Variants in RIMS2 observed in about 807,000 individuals in gnomAD.
RIMS2 encodes regulating synaptic membrane exocytosis 2.
A neutral mutation model predicts 174.4 loss-of-function variants in RIMS2; 59 were observed. The ratio of observed to expected loss-of-function variants is 0.34; its 90% CI spans 0.27 to 0.42. The LOEUF is 0.42. RIMS2 is among the 10% of genes least tolerant of loss of function. The pLI, the probability that RIMS2 is intolerant of heterozygous loss-of-function variation, is 1.00. For synonymous variants in RIMS2, 606 were observed against 572.5 expected, an observed-to-expected ratio of 1.06 and a Z score of -0.84; for missense variants, 1,620 against 1,666.3, an observed-to-expected ratio of 0.97 and a Z score of 0.48.
chr8:103,756,470 T>A (rs2098011382), intron 2 of RIMS2, among the ~76,000 whole-genome samples: 1 of 151,428 alleles, frequency 6.6e-6, no homozygotes, highest in African/African-American at 2.4e-5. Flanking sequence ...AGGTGTCACT[T>A]TGTCACCCAG....
At chr8:103,698,899 G>A (rs2097137561) in intron 2 of RIMS2, among the ~76,000 whole-genome samples, 1 of 152,100 alleles carries the variant, frequency 6.6e-6, no homozygotes, top group African/African-American at 2.4e-5. Flanking sequence ...AAATGTGTTG[G>A]GAAGTATTTC....
chr8:103,945,863 C>T (rs186260043), intron 14 of RIMS2, among the ~76,000 whole-genome samples: 27 of 152,114 alleles, frequency 1.8e-4, no homozygotes, highest in African/African-American at 6.3e-4. Flanking sequence ...TATGAACACC[C>T]TTTAGATGAC....
At chr8:104,150,199 A>T (rs998800769) in intron 19 of RIMS2, among the ~76,000 whole-genome samples, 69 of 152,296 alleles carry the variant, frequency 4.5e-4, no homozygotes, top group African/African-American at 1.6e-3. Flanking sequence ...CTAAAAAATA[A>T]AGTCTACTAA....
chr8:103,998,624 G>T (rs2095247810), intron 17 of RIMS2, among the ~76,000 whole-genome samples: 1 of 151,682 alleles, frequency 6.6e-6, no homozygotes, highest in East Asian at 1.9e-4. Flanking sequence ...GATGGCATAG[G>T]TCTTGAAAAC....
At chr8:103,681,581 A>G (rs2096881370) in intron 1 of RIMS2, among the ~76,000 whole-genome samples, 1 of 152,052 alleles carries the variant, frequency 6.6e-6, no homozygotes, top group Non-Finnish European at 1.5e-5. Context: ...CTAGACAGGC[A>G]AGAGCATGTA....
chr8:103,519,446 A>G (rs1018251766), intron 1 of RIMS2, among the ~76,000 whole-genome samples: 1 of 152,054 alleles, frequency 6.6e-6, no homozygotes, highest in African/African-American at 2.4e-5. Flanking sequence ...ATGTTTCAAT[A>G]TTTCCAATGT....
chr8:104,138,314 A>G (rs1039229062), intron 19 of RIMS2, among the ~76,000 whole-genome samples: 49 of 152,138 alleles, frequency 3.2e-4, no homozygotes, highest in African/African-American at 1.0e-3. Context: ...TCTGGATAAT[A>G]TGGTAGTTCT....
chr8:103,627,688 T>A (rs1309684339), intron 1 of RIMS2, among the ~76,000 whole-genome samples: 1 of 152,234 alleles, frequency 6.6e-6, no homozygotes, highest in Admixed American at 6.5e-5. Context: ...CCACAACAGA[T>A]GTCCTTTAAG....
chr8:103,874,858 A>G (rs1042757276), intron 3 of RIMS2, among the ~76,000 whole-genome samples: 6 of 152,050 alleles, frequency 3.9e-5, no homozygotes, highest in African/African-American at 1.4e-4. Flanking sequence ...ACTTGTTGAA[A>G]TTTAACAACC....
At chr8:104,072,237 T>C (rs1009524683) in intron 19 of RIMS2, among the ~76,000 whole-genome samples, 1 of 152,188 alleles carries the variant, frequency 6.6e-6, no homozygotes, top group African/African-American at 2.4e-5. Flanking sequence ...ATATATTAAG[T>C]TACATTAATT....
intron 3 of RIMS2, among the ~76,000 whole-genome samples, chr8:103,796,453 A>G (rs546501023): frequency 6.6e-6 from 1 of 152,316 alleles, no homozygotes; most frequent in African/African-American, 2.4e-5. Context: ...CCAGTGGAAC[A>G]TAGGTTTTTC....
intron 1 of RIMS2, among the ~76,000 whole-genome samples, chr8:103,571,877 G>A (rs1258207862): frequency 6.6e-6 from 1 of 152,140 alleles, no homozygotes; most frequent in Non-Finnish European, 1.5e-5. Context: ...AAGACACACA[G>A]CTTCCATATT....
chr8:104,200,373 A>C (rs961846154), intron 19 of RIMS2, among the ~76,000 whole-genome samples: 1 of 152,090 alleles, frequency 6.6e-6, no homozygotes, highest in Admixed American at 6.6e-5. Flanking sequence ...TTCCTTAGAA[A>C]CTTATTTTAA....
intron 14 of RIMS2, among the ~76,000 whole-genome samples, chr8:103,951,960 A>G (rs781519656): frequency 1.3e-5 from 2 of 152,104 alleles, no homozygotes; most frequent in Non-Finnish European, 2.9e-5. Flanking sequence ...GGCGGTTTCG[A>G]CCTCACAGTG....
At chr8:104,058,092 G>A (rs1434166903) in intron 19 of RIMS2, among the ~76,000 whole-genome samples, 1 of 149,426 alleles carries the variant, frequency 6.7e-6, no homozygotes, top group Non-Finnish European at 1.5e-5. Flanking sequence ...CCAGTAATGG[G>A]ATGGCTGGGT....
At chr8:103,943,874 T>G (rs901771295) in intron 14 of RIMS2, among the ~76,000 whole-genome samples, 6 of 152,154 alleles carry the variant, frequency 3.9e-5, no homozygotes, top group African/African-American at 1.4e-4. Flanking sequence ...AAGTATAAAT[T>G]TATAAACACA....
At chr8:104,212,823 G>A (rs1315385510) in intron 19 of RIMS2, among the ~76,000 whole-genome samples, 1 of 152,194 alleles carries the variant, frequency 6.6e-6, no homozygotes. Flanking sequence ...CTCCTCATAA[G>A]AGATGACAAT....
rs2099163329 is a variant in RIMS2 at position 104,223,149 on chromosome 8, CT to C, written c.3335-21765del. Among the ~76,000 whole-genome samples the C allele has an allele frequency of 2.6e-5, 4 of 152,330 alleles. No individual in the cohort carries two copies. The South Asian group carries it at 8.3e-4, about 32-fold the overall frequency. ...ATCTAATTAGTCACCACTCCCTGGCCTTAACCACGCGGAGGGAAGAGGAAAC... is the reference window on the plus strand; with the variant it reads ...ATCTAATTAGTCACCACTCCCTGGCCTAACCACGCGGAGGGAAGAGGAAAC... On this transcript the variant is annotated intron_variant, in intron 19 of 23. Coordinates refer to ENST00000504942, the Ensembl canonical transcript of RIMS2.
At chr8:104,190,004 T>C (rs1437179100) in intron 19 of RIMS2, among the ~76,000 whole-genome samples, 2 of 151,958 alleles carry the variant, frequency 1.3e-5, no homozygotes, top group African/African-American at 4.8e-5. Context: ...TACTTAAAGA[T>C]AAGAGTGACA....
Sources: allele counts gnomAD v4.1 joint callset (sites outside exome capture counted in the v4.1 genomes callset), GRCh38; gene constraint gnomAD v4.1.1; transcripts MANE v1.5; gene names NCBI Gene and HGNC (gene_info 2026-07-23, HGNC 2026-07-21).